PPEF1: variants seen among roughly 807,000 people sequenced by gnomAD.
PPEF1 encodes the protein protein phosphatase with EF-hand domain 1.
A neutral mutation model predicts 53.3 loss-of-function variants in PPEF1; 12 were observed. The observed-to-expected ratio is 0.23, with a 90% CI of 0.14 to 0.36. The LOEUF is 0.36. Ranked by LOEUF, PPEF1 falls within the 10% of genes least tolerant of loss-of-function variation. The probability of loss-of-function intolerance (pLI) is 1.00; values close to 1 mark genes in which losing one functional copy is unlikely to be tolerated. For missense variants in PPEF1, 334 were observed against 490.4 expected, an observed-to-expected ratio of 0.68 and a Z score of 3.01; for synonymous variants, 165 against 176.7, an observed-to-expected ratio of 0.93 and a Z score of 0.52.
intron 8 of PPEF1, among the ~76,000 whole-genome samples, chrX:18,782,986 T>C (rs1266357361): frequency 2.8e-5 from 3 of 107,444 alleles, no homozygotes; most frequent in Non-Finnish European, 3.8e-5. Context: ...GGTGGCATGC[T>C]CCTGTAATCC....
chrX:18,778,890 C>T (rs756688748), intron 6 of PPEF1, 120 bp from the exon 7 acceptor site: 5 of 734,041 alleles, frequency 6.8e-6, no homozygotes, highest in Admixed American at 6.5e-5. Context: ...AGATTTTTCC[C>T]GGTGGAAGAA....
At chrX:18,735,867 C>A (rs1256042510) in intron 3 of PPEF1, among the ~76,000 whole-genome samples, 1 of 111,456 alleles carries the variant, frequency 9.0e-6, no homozygotes, top group Non-Finnish European at 1.9e-5. Context: ...TGAATTCCTA[C>A]GTATTTTATT....
At chrX:18,687,471 G>A (rs1929137120) in intron 3 of PPEF1, among the ~76,000 whole-genome samples, 1 of 111,046 alleles carries the variant, frequency 9.0e-6, no homozygotes, top group East Asian at 2.8e-4. Flanking sequence ...AAGTGGTTGA[G>A]CAAGAACTTG....
At chrX:18,716,972 A>G (rs2044471363) in intron 1 of PPEF1, among the ~76,000 whole-genome samples, 1 of 109,029 alleles carries the variant, frequency 9.2e-6, no homozygotes, top group Admixed American at 9.8e-5. Context: ...AGGGGAGGGC[A>G]TTGATTTTCC....
chrX:18,813,103 G>T (rs2046840034), intron 12 of PPEF1, among the ~76,000 whole-genome samples: 1 of 111,084 alleles, frequency 9.0e-6, no homozygotes, highest in Non-Finnish European at 1.9e-5. Flanking sequence ...TTGATTGGCC[G>T]GGCACGGTGG....
chrX:18,691,751 T>C (rs963006286), intron 4 of PPEF1: 1 of 112,168 alleles, frequency 8.9e-6, no homozygotes, highest in Admixed American at 9.5e-5. Context: ...CCTAGCTTTC[T>C]AAATTAGAAG....
chrX:18,784,555 C>A lies in PPEF1; in HGVS notation c.912+507C>A, dbSNP rs758050244. Among the ~76,000 whole-genome samples the A allele has an allele frequency of 3.6e-5, 4 of 109,764 alleles. No individual in the cohort carries two copies. The South Asian group carries it at 1.6e-3, about 43-fold the overall frequency. On this transcript the variant is annotated intron_variant, in intron 9 of 15. Transcript: ENST00000470157. The stretch of plus-strand genomic sequence containing the variant: ...CCATTAAACACTAACTCCCCATTCT[C>A]CCCTGTCCCAGCCCCTGGCAACCAC...
At chrX:18,762,931 C>T (rs1451760201) in intron 6 of PPEF1, among the ~76,000 whole-genome samples, 2 of 111,702 alleles carry the variant, frequency 1.8e-5, no homozygotes, top group Admixed American at 1.9e-4. Flanking sequence ...GGCCCAATAA[C>T]GAGATACAGA....
At chrX:18,742,500 G>T (rs1197165758) in intron 3 of PPEF1, among the ~76,000 whole-genome samples, 1 of 111,427 alleles carries the variant, frequency 9.0e-6, no homozygotes, top group African/African-American at 3.3e-5. Context: ...CATCTAGCTG[G>T]ACTGGGCAGG....
chrX:18,716,369 A>G (rs1029579174), intron 1 of PPEF1, among the ~76,000 whole-genome samples: 9 of 108,136 alleles, frequency 8.3e-5, no homozygotes, highest in Non-Finnish European at 1.5e-4. Context: ...CATCTTTACT[A>G]AAAATACAAA....
chrX:18,810,076 CTG>C (rs199559695), intron 12 of PPEF1, among the ~76,000 whole-genome samples: 2,615 of 99,312 alleles, frequency 0.026, 63 homozygotes, highest in African/African-American at 0.084. Flanking sequence ...AAAAAATCCT[CTG>C]TGTGTGTGTG....
intron 10 of PPEF1, among the ~76,000 whole-genome samples, chrX:18,803,535 C>T (rs890075299): frequency 8.9e-6 from 1 of 112,405 alleles, no homozygotes; most frequent in Non-Finnish European, 1.9e-5. Context: ...TGGCTCACTG[C>T]AGCCTCAACC....
intron 6 of PPEF1, among the ~76,000 whole-genome samples, chrX:18,702,433 A>G (rs938293015): frequency 5.6e-5 from 6 of 106,341 alleles, no homozygotes; most frequent in Non-Finnish European, 7.7e-5. Flanking sequence ...AGCATAGGAA[A>G]CTACGAAACT....
chrX:18,827,254 A>G lies in PPEF1; in HGVS notation c.1751-22A>G, dbSNP rs16980895. 5.3e-3 allele frequency: 6,259 copies of G among 1,182,626 alleles called. 193 individuals are homozygous for G. The African/African-American group carries it at 0.098, about 18-fold the overall frequency. ...GTGGGTCTTAAAATGAACACTCACAACCTTCTCCTATATTCTTTTAGGCCT... is the reference window on the plus strand; with the variant it reads ...GTGGGTCTTAAAATGAACACTCACAGCCTTCTCCTATATTCTTTTAGGCCT... On this transcript the variant is annotated intron_variant, in intron 15 of 15. Coordinates refer to ENST00000470157, the MANE Select transcript of PPEF1 (RefSeq NM_001377996.1).
chrX:18,675,311 C>G (rs1330732109), upstream of PPEF1, among the ~76,000 whole-genome samples: 1 of 113,751 alleles, frequency 8.8e-6, no homozygotes. Flanking sequence ...GCAGCTTCCT[C>G]CGCCCGCGAG....
chrX:18,801,740 T>G (rs1007985926), intron 10 of PPEF1, among the ~76,000 whole-genome samples: 2 of 110,811 alleles, frequency 1.8e-5, no homozygotes, highest in African/African-American at 6.6e-5. Context: ...CCCAACACCT[T>G]GGGAGGCCGA....
intron 11 of PPEF1, among the ~76,000 whole-genome samples, chrX:18,806,155 G>A (rs899872136): frequency 9.0e-6 from 1 of 111,257 alleles, no homozygotes; most frequent in Non-Finnish European, 1.9e-5. Context: ...AATTGTACCC[G>A]AGAATGCAGG....
chrX:18,813,250 A>G (rs957300188), intron 12 of PPEF1, among the ~76,000 whole-genome samples: 105 of 109,182 alleles, frequency 9.6e-4, no homozygotes, highest in Admixed American at 1.5e-3. Context: ...GTGATGGCAC[A>G]CGCCTGTAGT....
At chrX:18,783,544 C>A (rs758671627) in intron 8 of PPEF1, among the ~76,000 whole-genome samples, 19 of 110,528 alleles carry the variant, frequency 1.7e-4, no homozygotes, top group African/African-American at 6.2e-4. Flanking sequence ...ATGGAGAAAC[C>A]CCGTCTCTAC....
Sources: gnomAD v4.1 joint callset for allele counts (sites outside exome capture counted in the v4.1 genomes callset) on GRCh38, gnomAD v4.1.1 for gene constraint, MANE v1.5 for transcripts, NCBI Gene and HGNC (gene_info 2026-07-23, HGNC 2026-07-21) for gene names.